Variants in NCKAP1L observed in about 807,000 individuals in gnomAD.
NCKAP1L encodes the protein nck-associated protein 1-like.
A neutral mutation model predicts 139.2 loss-of-function variants in NCKAP1L; 53 were observed. That is an observed-to-expected ratio of 0.38 (90% CI 0.31 to 0.48). The LOEUF (loss-of-function observed/expected upper bound fraction) is 0.48. Among genes scored for constraint, NCKAP1L ranks in the 20% least tolerant of loss-of-function variants. The probability of loss-of-function intolerance (pLI) is 0.98; values close to 1 mark genes in which losing one functional copy is unlikely to be tolerated. For missense variants in NCKAP1L, 1,151 were observed against 1,381.9 expected (o/e 0.83, Z 2.65); for synonymous variants, 468 against 499.7 (o/e 0.94, Z 0.85).
chr12:54,499,297 A>T (rs1380061388), intron 1 of NCKAP1L, 58 bp from the exon 2 acceptor site: 2 of 930,738 alleles, frequency 2.1e-6, no homozygotes, highest in Non-Finnish European at 3.5e-6. Context: ...TTGCAAGAAG[A>T]GGTATGTTTC....
rs952772738 is a variant in NCKAP1L, at chr12:54,517,518, C to G, written c.1096-15C>G. 5 of 1,576,772 alleles carry G rather than the reference C, an allele frequency of 3.2e-6. No homozygotes were observed. Among genetic ancestry groups the G allele is most frequent in the Admixed American group, 3.3e-5 (2 of 59,978 alleles). On this transcript the variant is annotated splice_polypyrimidine_tract_variant and intron_variant, in intron 11 of 30. Transcript: ENST00000293373. ...TTAAAGTTGAAAATTCTAATAGTCT[C>G]TACCCCCTCCATAGGCTCTTTTTGC... is the stretch of plus-strand genomic sequence containing the variant.
Position 54,531,683 on chromosome 12 carries a change from T to A in NCKAP1L, c.2699-60T>A, listed in dbSNP as rs1957072995. On this transcript the variant is annotated intron_variant, in intron 24 of 30. Coordinates refer to ENST00000293373, the MANE Select transcript of NCKAP1L (RefSeq NM_005337.5). ...TGGAGGCTAGGCGGGGTCTGTAGAA[T>A]CAAAATCATCACCAATCCCTCTCTA... 3 of 1,602,962 alleles carry A rather than the reference T, an allele frequency of 1.9e-6. No homozygotes were observed. The East Asian group carries it at 6.7e-5, about 36-fold the overall frequency.
At chr12:54,510,387 G>T in intron 7 of NCKAP1L, 1 of 423,638 alleles carries the variant, frequency 2.4e-6, no homozygotes. Context: ...ACACTGGCAT[G>T]ATCACTGCTT....
At chr12:54,503,004 C>CAAAA (rs77302715) in intron 3 of NCKAP1L, among the ~76,000 whole-genome samples, 1 of 83,660 alleles carries the variant, frequency 1.2e-5, no homozygotes, top group Non-Finnish European at 2.6e-5. Context: ...GACTTTGTCT[C>CAAAA]AAAAAAAAAA....
rs148609152 is a variant in NCKAP1L, at chr12:54,548,013, C to G, written c.*5328C>G. The G allele has an allele frequency of 6.6e-6, 1 of 152,392 alleles. No homozygotes were observed. The highest frequency in any genetic ancestry group is 1.5e-5 in the Non-Finnish European group (1 of 68,032). 9.4% of individuals were successfully genotyped at this position (152,392 alleles called of 1,614,324 possible). A position where few individuals can be genotyped will look rare whatever the true frequency, so the allele number is the denominator to read the frequency against. ...CTGGGAGCTGGTTCTGCTGATACTT[C>G]TGCTGAATCTAAATGCTGACCTAAC... On this transcript the variant is annotated 3_prime_UTR_variant, in exon 31 of 31. Coordinates refer to ENST00000293373, the MANE Select transcript of NCKAP1L (RefSeq NM_005337.5).
intron 20 of NCKAP1L, among the ~76,000 whole-genome samples, chr12:54,525,455 A>G (rs1034025079): frequency 6.6e-6 from 1 of 152,208 alleles, no homozygotes; most frequent in Non-Finnish European, 1.5e-5. Flanking sequence ...ACAGTTTGAT[A>G]ATGGCCCATG....
intron 22 of NCKAP1L, among the ~76,000 whole-genome samples, chr12:54,530,515 A>C (rs982097785): frequency 6.6e-6 from 1 of 152,228 alleles, no homozygotes; most frequent in Non-Finnish European, 1.5e-5. Flanking sequence ...TAGCTCAAGG[A>C]GAGGAAAATT....
intron 3 of NCKAP1L, among the ~76,000 whole-genome samples, chr12:54,506,792 A>AT (rs1555170876): frequency 5.6e-4 from 13 of 23,152 alleles, no homozygotes; most frequent in African/African-American, 2.4e-3. Context: ...TATTAAAAAA[A>AT]AAAAATATAT....
At chr12:54,521,583 C>T (rs1277334430) in intron 18 of NCKAP1L, among the ~76,000 whole-genome samples, 6 of 152,102 alleles carry the variant, frequency 3.9e-5, no homozygotes, top group Non-Finnish European at 8.8e-5. Flanking sequence ...GGACAGTGGC[C>T]CCCAGGTCAC....
chr12:54,524,696 C>G (rs1197314726), intron 20 of NCKAP1L, among the ~76,000 whole-genome samples: 1 of 152,066 alleles, frequency 6.6e-6, no homozygotes, highest in East Asian at 1.9e-4. Context: ...AAATAAAAAC[C>G]TCTGCCTCCA....
chr12:54,511,607 G>C (rs1592340336), intron 7 of NCKAP1L, among the ~76,000 whole-genome samples, 196 bp from the exon 8 acceptor site: 3 of 152,088 alleles, frequency 2.0e-5, no homozygotes, highest in East Asian at 3.9e-4. Flanking sequence ...AGGTCACACT[G>C]TGTTGCCCAG....
intron 22 of NCKAP1L, among the ~76,000 whole-genome samples, chr12:54,530,631 G>A (rs1249147116): frequency 6.6e-6 from 1 of 152,218 alleles, no homozygotes; most frequent in Non-Finnish European, 1.5e-5. Context: ...GTAAGGGGCA[G>A]TAAGACATTG....
intron 16 of NCKAP1L, among the ~76,000 whole-genome samples, chr12:54,519,621 T>C (rs1403389434): frequency 1.3e-5 from 2 of 151,996 alleles, no homozygotes; most frequent in African/African-American, 2.4e-5. Flanking sequence ...TGCGGAGGAC[T>C]GTCATTCCCC....
At position 54,500,551 on chromosome 12, in the gene NCKAP1L, C is replaced by A. The variant is rs146252835; in HGVS notation, c.232C>A (p.His78Asn). The A allele has an allele frequency of 6.2e-7, 1 of 1,611,884 alleles. No individual in the cohort carries two copies. Among genetic ancestry groups the A allele is most frequent in the East Asian group, 2.2e-5 (1 of 44,814 alleles). ...RNSTQHLGPV[H>N]REKAEIIRFL... ...CTCTCAGCAACATTTAGGACCAGTA[C>A]ATCGTGAAAAAGCCGAGATAATTAG... The change falls in exon 3 of 31, where the codon CAT (histidine) becomes AAT (asparagine). Residue 78 changes from histidine to asparagine, a missense_variant. His to Asn is a moderately conservative substitution (Grantham distance 68). Coordinates refer to ENST00000293373, the MANE Select transcript of NCKAP1L (RefSeq NM_005337.5).
chr12:54,511,495 C>T (rs1221568097), intron 7 of NCKAP1L, among the ~76,000 whole-genome samples: 2 of 152,238 alleles, frequency 1.3e-5, no homozygotes, highest in Non-Finnish European at 2.9e-5. Context: ...CAGCCTTGAC[C>T]TCTTGGGTTC....
At chr12:54,528,410 G>A (rs775002439) in intron 22 of NCKAP1L, 33 bp downstream of exon 22, 3 of 1,606,728 alleles carry the variant, frequency 1.9e-6, no homozygotes, top group Non-Finnish European at 2.5e-6. Context: ...TTGTCAAGGA[G>A]CTGAGCCCTT....
chr12:54,528,284 A>G lies in NCKAP1L; in HGVS notation c.2413A>G (p.Thr805Ala). The G allele has an allele frequency of 1.2e-6, 2 of 1,613,954 alleles. No individual in the cohort carries two copies. Among genetic ancestry groups the G allele is most frequent in the Non-Finnish European group, 1.7e-6 (2 of 1,179,904 alleles). ...ESLLRQASSGTIILSPAMQAF... is the reference protein window; with the variant it reads ...ESLLRQASSGAIILSPAMQAF... ...TCTGCTTAGACAGGCAAGCAGTGGG[A>G]CCATCATCCTCTCCCCAGCCATGCA... is the stretch of plus-strand genomic sequence containing the variant. The change falls in exon 22 of 31, where the codon ACC becomes GCC. Residue 805 changes from threonine (T) to alanine (A), a missense_variant. Physicochemically the swap from Thr to Ala is moderately conservative, Grantham distance 58. Coordinates refer to ENST00000293373, the MANE Select transcript of NCKAP1L (RefSeq NM_005337.5).
rs1247059843 is a variant in NCKAP1L, at chr12:54,512,048, G to A, written c.884G>A (p.Arg295His). The change falls in exon 9 of 31, where the codon CGT (arginine) becomes CAT (histidine). Residue 295 changes from arginine to histidine, a missense_variant. Arg to His is a conservative substitution (Grantham distance 29, BLOSUM62 0). Transcript: ENST00000293373. The stretch of plus-strand genomic sequence containing the variant: ...GGCTCCCTCTACATCACCCTTATCC[G>A]TGAGGATGTGCTGCAGGTGCACAAA... ...LQGSLYITLIREDVLQVHKVT... is the reference protein window; with the variant it reads ...LQGSLYITLIHEDVLQVHKVT... 3.7e-6 allele frequency: 6 copies of A among 1,614,170 alleles called. No individual in the cohort carries two copies. Among genetic ancestry groups the A allele is most frequent in the Non-Finnish European group, 4.2e-6 (5 of 1,180,016 alleles).
intron 9 of NCKAP1L, among the ~76,000 whole-genome samples, chr12:54,512,804 TTG>T (rs146581573): frequency 1.4e-4 from 21 of 145,214 alleles, no homozygotes; most frequent in Non-Finnish European, 1.8e-4. Flanking sequence ...GTGTGAGTAA[TTG>T]TGTGTGTGTG....
Sources: gnomAD v4.1 joint callset for allele counts (sites outside exome capture counted in the v4.1 genomes callset) on GRCh38, gnomAD v4.1.1 for gene constraint, MANE v1.5 for transcripts, NCBI Gene and HGNC (gene_info 2026-07-23, HGNC 2026-07-21) for gene names.